UHRF1: variants seen among roughly 807,000 people sequenced by gnomAD.
UHRF1 encodes ubiquitin like with PHD and ring finger domains 1.
Under a neutral mutation model 96.5 loss-of-function variants are expected in UHRF1, and 9 were observed. The observed-to-expected ratio is 0.09, with a 90% CI of 0.06 to 0.16. The LOEUF (loss-of-function observed/expected upper bound fraction) is 0.16. UHRF1 is among the 10% of genes least tolerant of loss of function. UHRF1 has a pLI of 1.00. For synonymous variants in UHRF1, 455 were observed against 469.9 expected, an observed-to-expected ratio of 0.97 and a Z score of 0.41; for missense variants, 626 against 1,131.1, an observed-to-expected ratio of 0.55 and a Z score of 6.40.
At chr19:4,932,997 T>TCCTCC in intron 5 of UHRF1, 41 bp downstream of exon 5, 1 of 1,545,150 alleles carries the variant, frequency 6.5e-7, no homozygotes, top group Non-Finnish European at 8.8e-7. Flanking sequence ...CTCTCTCCTT[T>TCCTCC]CCTCCCCTCC....
At chr19:4,951,642 G>A (rs1281797776) in intron 13 of UHRF1, among the ~76,000 whole-genome samples, 2 of 149,740 alleles carry the variant, frequency 1.3e-5, no homozygotes, top group African/African-American at 2.5e-5. Flanking sequence ...TAAAGGGATC[G>A]CTGCAGACCA....
chr19:4,914,061 C>G (rs906515566), intron 2 of UHRF1, among the ~76,000 whole-genome samples: 2 of 151,904 alleles, frequency 1.3e-5, no homozygotes, highest in Non-Finnish European at 2.9e-5. Flanking sequence ...GTGATTCACA[C>G]CCCCCTCCCC....
chr19:4,935,712 C>T (rs755760821), intron 5 of UHRF1, among the ~76,000 whole-genome samples: 10 of 152,058 alleles, frequency 6.6e-5, no homozygotes, highest in African/African-American at 9.7e-5. Flanking sequence ...GATGTGTCAT[C>T]GTCCCAGGAG....
chr19:4,957,598 G>A lies in UHRF1; in HGVS notation c.2235+785G>A, dbSNP rs189737223. ...GCTGGGATTACAGGTGTAAGCCACC[G>A]CGCCCACCCCGCAGCTGATGGTTTT... is the stretch of plus-strand genomic sequence containing the variant. On this transcript the variant is annotated intron_variant, in intron 16 of 16. Transcript: ENST00000650932. 1.1e-3 allele frequency among the ~76,000 whole-genome samples: 165 copies of A among 152,190 alleles called. 1 individual carries two copies. The highest frequency in any genetic ancestry group is 0.01 in the Admixed American group (160 of 15,282).
At chr19:4,946,340 C>T (rs1009312218) in intron 10 of UHRF1, among the ~76,000 whole-genome samples, 3 of 152,094 alleles carry the variant, frequency 2.0e-5, no homozygotes, top group East Asian at 1.9e-4. Context: ...TCCATGTTGT[C>T]GCATGTGTCC....
intron 16 of UHRF1, among the ~76,000 whole-genome samples, chr19:4,959,316 C>T (rs1460423633): frequency 1.3e-5 from 2 of 152,034 alleles, no homozygotes; most frequent in Admixed American, 6.6e-5. Flanking sequence ...GGCGACAGAG[C>T]GAGACTCTAT....
chr19:4,957,823 C>T (rs1021728472), intron 16 of UHRF1, among the ~76,000 whole-genome samples: 4 of 152,154 alleles, frequency 2.6e-5, no homozygotes, highest in East Asian at 3.9e-4. Context: ...TTCCAGTGTC[C>T]CCTGGGGGCA....
At chr19:4,911,106 G>T in intron 2 of UHRF1, 68 bp downstream of exon 2, 5 of 1,393,894 alleles carry the variant, frequency 3.6e-6, no homozygotes, top group Non-Finnish European at 2.9e-6. Flanking sequence ...GCCACCAGCC[G>T]ATACTTTCTC....
chr19:4,958,895 C>G (rs197163), intron 16 of UHRF1, among the ~76,000 whole-genome samples: 8,074 of 149,166 alleles, frequency 0.054, 720 homozygotes, highest in African/African-American at 0.18. Context: ...CTGGGAGGTA[C>G]AGGTTGCGGT....
chr19:4,948,160 A>G (rs1357696777), intron 11 of UHRF1, among the ~76,000 whole-genome samples: 1 of 151,740 alleles, frequency 6.6e-6, no homozygotes, highest in East Asian at 1.9e-4. Flanking sequence ...CAGGTCACAC[A>G]GTCTATTCAG....
At chr19:4,923,588 C>A (rs1353580152) in intron 2 of UHRF1, among the ~76,000 whole-genome samples, 1 of 152,222 alleles carries the variant, frequency 6.6e-6, no homozygotes, top group African/African-American at 2.4e-5. Context: ...TGGCAGATAT[C>A]GCTGCTGCAA....
At chr19:4,934,432 C>T (rs771244616) in intron 5 of UHRF1, among the ~76,000 whole-genome samples, 2 of 152,152 alleles carry the variant, frequency 1.3e-5, no homozygotes, top group Non-Finnish European at 2.9e-5. Context: ...GTCCTCTTCC[C>T]AAACTGAAAC....
At chr19:4,939,271 A>T (rs2033313678) in intron 5 of UHRF1, among the ~76,000 whole-genome samples, 1 of 133,160 alleles carries the variant, frequency 7.5e-6, no homozygotes, top group African/African-American at 2.8e-5. Context: ...GTCTGGCTAG[A>T]TTGGTCTCGA....
chr19:4,934,827 G>A (rs111407037), intron 5 of UHRF1, among the ~76,000 whole-genome samples: 3,118 of 152,228 alleles, frequency 0.02, 110 homozygotes, highest in African/African-American at 0.07. Context: ...GGCTGTGGGA[G>A]CCTCCTCACT....
rs375548961 is a variant in UHRF1, at chr19:4,950,931, G to A, written c.1753G>A (p.Asp585Asn). ...GCGCTACCTTCTGCGGAGGGACGAT[G>A]ATGAGCCTGGCCCTTGGACGAAGGA... Reference protein sequence around the residue: ...VWRYLLRRDDDEPGPWTKEGK... With the variant: ...VWRYLLRRDDNEPGPWTKEGK... The change falls in exon 13 of 17, where the codon GAT (aspartate) becomes AAT (asparagine). Residue 585 changes from aspartate to asparagine, a missense_variant. Physicochemically the swap from Asp to Asn is conservative, Grantham distance 23. Around this residue, in one of 11 missense-constraint regions of UHRF1, gnomAD observed 61 missense variants for 199.2 expected, o/e 0.31. Coordinates refer to ENST00000650932, the MANE Select transcript of UHRF1 (RefSeq NM_001048201.3). 15 of 1,613,048 alleles carry A rather than the reference G, an allele frequency of 9.3e-6. No individual in the cohort carries two copies. Among genetic ancestry groups the A allele is most frequent in the Admixed American group, 8.3e-5 (5 of 59,980 alleles).
chr19:4,916,348 G>C (rs983506857), intron 2 of UHRF1, among the ~76,000 whole-genome samples: 4 of 151,682 alleles, frequency 2.6e-5, no homozygotes, highest in Non-Finnish European at 4.4e-5. Context: ...GAGAAATTCA[G>C]AGCACAAGAA....
chr19:4,944,176 C>T lies in UHRF1; in HGVS notation c.1118C>T (p.Ala373Val). The part of the protein sequence containing the change: ...CRNDASEVVL[A>V]GERLRESKKK... Reference sequence around the variant, plus strand: ...AATGATGCCAGCGAGGTGGTACTGGCGGGAGAGCGGCTGAGAGAGAGCAAG... The same window carrying T: ...AATGATGCCAGCGAGGTGGTACTGGTGGGAGAGCGGCTGAGAGAGAGCAAG... The change falls in exon 8 of 17, where the codon GCG (alanine) becomes GTG (valine). Residue 373 changes from alanine to valine, a missense_variant. Ala to Val is a moderately conservative substitution (Grantham distance 64). This residue lies in a region of UHRF1 where 69 missense variants were observed against 159.8 expected (regional missense o/e 0.43). Coordinates refer to ENST00000650932, the MANE Select transcript of UHRF1 (RefSeq NM_001048201.3). 6.2e-7 allele frequency: 1 copy of T among 1,612,876 alleles called. No homozygotes were observed. The highest frequency in any genetic ancestry group is 8.5e-7 in the Non-Finnish European group (1 of 1,179,382).
upstream of UHRF1, among the ~76,000 whole-genome samples, chr19:4,906,457 G>A (rs569089485): frequency 5.7e-4 from 87 of 152,216 alleles, no homozygotes; most frequent in Non-Finnish European, 9.3e-4. Flanking sequence ...ACGTGTACAT[G>A]AAGAATGCAT....
chr19:4,949,301 T>G (rs188997784), intron 11 of UHRF1, among the ~76,000 whole-genome samples: 3 of 152,308 alleles, frequency 2.0e-5, no homozygotes, highest in African/African-American at 7.2e-5. Flanking sequence ...AAATACAAAT[T>G]GGAACCATCT....
Sources: gnomAD v4.1 joint callset for allele counts (sites outside exome capture counted in the v4.1 genomes callset) on GRCh38, gnomAD v4.1.1 for gene constraint, gnomAD v4.1.1 regional missense constraint, MANE v1.5 for transcripts, NCBI Gene and HGNC (gene_info 2026-07-23, HGNC 2026-07-21) for gene names.